NTM: variants seen among roughly 807,000 people sequenced by gnomAD.
NTM encodes IgLON family member 2.
NTM carries 13 observed loss-of-function variants against 42.1 expected under a neutral mutation model. That is an observed-to-expected ratio of 0.31 (90% confidence interval 0.20 to 0.49). NTM has a LOEUF of 0.49. Ranked by LOEUF, NTM falls within the 20% of genes least tolerant of loss-of-function variation. The pLI, the probability that NTM is intolerant of heterozygous loss-of-function variation, is 0.99. For synonymous variants in NTM, 187 were observed against 179.2 expected (o/e 1.04, Z -0.35); for missense variants, 373 against 452.8 (o/e 0.82, Z 1.60).
At chr11:131,749,329 A>G (rs2082195164) in intron 1 of NTM, among the ~76,000 whole-genome samples, 5 of 151,968 alleles carry the variant, frequency 3.3e-5, no homozygotes, top group Admixed American at 2.6e-4. Flanking sequence ...ACAGATATCC[A>G]CTCCCAGGGC....
chr11:131,966,784 G>A (rs73029701), intron 2 of NTM, among the ~76,000 whole-genome samples: 20,798 of 152,168 alleles, frequency 0.14, 1,796 homozygotes, highest in East Asian at 0.28. Context: ...GAGCAGGGTA[G>A]GGGTAGAATG....
intron 1 of NTM, among the ~76,000 whole-genome samples, chr11:131,758,588 T>C (rs1247916642): frequency 6.6e-6 from 1 of 151,932 alleles, no homozygotes; most frequent in Non-Finnish European, 1.5e-5. Context: ...TTTTTTTCTT[T>C]CTTTCTTTCT....
At chr11:132,228,554 A>T (rs1476364307) in intron 4 of NTM, among the ~76,000 whole-genome samples, 2 of 152,222 alleles carry the variant, frequency 1.3e-5, no homozygotes, top group African/African-American at 4.8e-5. Flanking sequence ...AGAACATTGT[A>T]TAAGATGGGG....
intron 1 of NTM, among the ~76,000 whole-genome samples, chr11:131,436,171 C>T (rs1949113708): frequency 6.6e-6 from 1 of 152,158 alleles, no homozygotes; most frequent in Admixed American, 6.5e-5. Flanking sequence ...TTTTGATGTG[C>T]TGCTAGATTC....
intron 2 of NTM, among the ~76,000 whole-genome samples, chr11:131,931,714 A>G (rs1028627641): frequency 1.3e-5 from 2 of 152,166 alleles, no homozygotes; most frequent in Non-Finnish European, 2.9e-5. Flanking sequence ...AGAAGGAGCC[A>G]CTGCTGGTCT....
intron 1 of NTM, among the ~76,000 whole-genome samples, chr11:131,512,838 G>A (rs768035360): frequency 1.3e-5 from 2 of 152,104 alleles, no homozygotes; most frequent in Non-Finnish European, 2.9e-5. Context: ...GTTCCTGAAG[G>A]GACAGCCCCA....
At chr11:132,151,877 C>G (rs562305499) in intron 3 of NTM, among the ~76,000 whole-genome samples, 1 of 152,190 alleles carries the variant, frequency 6.6e-6, no homozygotes, top group African/African-American at 2.4e-5. Context: ...CCAGCCCAGG[C>G]AGTGACTTGC....
Position 131,695,852 on chromosome 11 carries a change from A to T in NTM, c.83-215712A>T, listed in dbSNP as rs118190949. 2.3e-3 allele frequency among the ~76,000 whole-genome samples: 357 copies of T among 152,316 alleles called. 5 individuals are homozygous for T. The highest frequency in any genetic ancestry group is 0.019 in the Admixed American group (287 of 15,302). On this transcript the variant is annotated intron_variant, in intron 1 of 8. Coordinates refer to ENST00000683400, the MANE Select transcript of NTM (RefSeq NM_001352005.2). ...AGGCTCAGAGAGGCAAACTTTCCCA[A>T]GGAAACACAGCTAGTATATATCAGA...
At chr11:131,564,276 A>ATTTGTTTG (rs10693408) in intron 1 of NTM, among the ~76,000 whole-genome samples, 1 of 151,500 alleles carries the variant, frequency 6.6e-6, no homozygotes. Context: ...CACCTTATTT[A>ATTTGTTTG]TTTGTTTGTT....
At chr11:131,518,515 C>T (rs1427928751) in intron 1 of NTM, among the ~76,000 whole-genome samples, 1 of 152,132 alleles carries the variant, frequency 6.6e-6, no homozygotes, top group Admixed American at 6.6e-5. Context: ...CCCATTGAAC[C>T]CATAATGTAG....
At chr11:131,446,793 A>G (rs1950090806) in intron 1 of NTM, among the ~76,000 whole-genome samples, 1 of 152,212 alleles carries the variant, frequency 6.6e-6, no homozygotes, top group Non-Finnish European at 1.5e-5. Flanking sequence ...GACCCAGATG[A>G]CTTATAATGC....
rs920546935 is a variant in NTM, at chr11:131,504,182, C to G, written c.82+133294C>G. Among the ~76,000 whole-genome samples, 8 of 152,212 alleles carry G rather than the reference C, an allele frequency of 5.3e-5. No homozygotes were observed. In the South Asian group the frequency reaches 1.0e-3, roughly 20 times the overall value. ...CCTGCCAGTCCCCTTTGAGCCCCAC[C>G]AGCCACCTCTGTCCTCACCCTTCCT... On this transcript the variant is annotated intron_variant, in intron 1 of 8. Transcript: ENST00000683400.
intron 4 of NTM, among the ~76,000 whole-genome samples, chr11:132,266,996 A>G (rs1044773262): frequency 2.0e-5 from 3 of 152,222 alleles, no homozygotes; most frequent in Non-Finnish European, 2.9e-5. Flanking sequence ...CATGACGGAA[A>G]TAACCAACAC....
At chr11:131,566,177 G>A (rs60405969) in intron 1 of NTM, among the ~76,000 whole-genome samples, 2,339 of 152,196 alleles carry the variant, frequency 0.015, 62 homozygotes, top group African/African-American at 0.053. Flanking sequence ...GATCTATCAC[G>A]GCGCTTATGG....
chr11:131,397,861 A>G (rs1944731401), intron 1 of NTM, among the ~76,000 whole-genome samples: 1 of 152,226 alleles, frequency 6.6e-6, no homozygotes. Flanking sequence ...TAGTCTAAGT[A>G]GACACCAGTC....
At chr11:131,795,264 A>G (rs758896658) in intron 1 of NTM, 250 of 484,208 alleles carry the variant, frequency 5.2e-4, no homozygotes, top group Non-Finnish European at 6.4e-4. Context: ...TAGGATAATC[A>G]TTTCTTCCTT....
At chr11:131,631,938 G>T (rs553423370) in intron 1 of NTM, among the ~76,000 whole-genome samples, 2 of 151,806 alleles carry the variant, frequency 1.3e-5, no homozygotes, top group Admixed American at 1.3e-4. Context: ...ATTTATTTCC[G>T]GGGACTTCTC....
intron 3 of NTM, among the ~76,000 whole-genome samples, chr11:132,175,047 A>C (rs1033574528): frequency 6.6e-6 from 1 of 152,166 alleles, no homozygotes; most frequent in Non-Finnish European, 1.5e-5. Context: ...GGAGTTTAGC[A>C]GCATTCGGTC....
chr11:131,606,394 T>C lies in NTM; in HGVS notation c.82+235506T>C, dbSNP rs576099909. ...TCTGCATCTACCACTGTTCCTGGAA[T>C]ATAACAGTTGATCAGTCAATGAATA... On this transcript the variant is annotated intron_variant, in intron 1 of 8. Coordinates refer to ENST00000683400, the MANE Select transcript of NTM (RefSeq NM_001352005.2). Among the ~76,000 whole-genome samples, 4 of 152,308 alleles carry C rather than the reference T, an allele frequency of 2.6e-5. No individual in the cohort carries two copies. The South Asian group carries it at 8.3e-4, about 32-fold the overall frequency.
Sources: gnomAD v4.1 joint callset for allele counts (sites outside exome capture counted in the v4.1 genomes callset) on GRCh38, gnomAD v4.1.1 for gene constraint, MANE v1.5 for transcripts, NCBI Gene and HGNC (gene_info 2026-07-23, HGNC 2026-07-21) for gene names.